Variants in HMCN2 observed in about 807,000 individuals in gnomAD.
HMCN2 encodes the protein hemicentin 2.
A neutral mutation model predicts 377.5 loss-of-function variants in HMCN2; 325 were observed. The observed-to-expected ratio is 0.86, with a 90% CI of 0.79 to 0.94. The LOEUF is 0.94. HMCN2 is among the 40% of genes least tolerant of loss of function. The probability of loss-of-function intolerance (pLI) is 0.00; values close to 1 mark genes in which losing one functional copy is unlikely to be tolerated. For missense variants in HMCN2, 4,543 were observed against 4,725.3 expected, an observed-to-expected ratio of 0.96 and a Z score of 1.13; for synonymous variants, 2,007 against 2,046.8, an observed-to-expected ratio of 0.98 and a Z score of 0.53.
At chr9:130,324,845 G>A (rs989388459) in intron 19 of HMCN2, among the ~76,000 whole-genome samples, 1 of 151,996 alleles carries the variant, frequency 6.6e-6, no homozygotes, top group Non-Finnish European at 1.5e-5. Context: ...AGGTGGTCTC[G>A]AACTCCTGAT....
intron 86 of HMCN2, 37 bp downstream of exon 86, chr9:130,419,078 G>T: frequency 6.9e-7 from 1 of 1,453,696 alleles, no homozygotes; most frequent in Non-Finnish European, 9.1e-7. Context: ...CGTGGACAGA[G>T]GCAGGATCTC....
intron 1 of HMCN2, among the ~76,000 whole-genome samples, chr9:130,279,758 A>T (rs185178667): frequency 1.2e-3 from 184 of 152,340 alleles, no homozygotes; most frequent in Non-Finnish European, 2.3e-3. Context: ...GTAGAATGAT[A>T]TCTTCCCAAA....
At position 130,360,457 on chromosome 9, in the gene HMCN2, GTC is replaced by G; in HGVS notation, c.5807_5808del (p.Ser1936PhefsTer17). Reference protein sequence around the residue: ...DVSWFKGHQPVSSWMGVTVSV... With the variant: ...DVSWFKGHQPXSSWMGVTVSV... ...CTCCTGGTTCAAGGGCCACCAACCT[GTC>G]TCTTCATGGATGGGAGTGACAGTAT... is the stretch of plus-strand genomic sequence containing the variant. On this transcript the variant is annotated frameshift_variant, in exon 38 of 98. Coordinates refer to ENST00000683500, the MANE Select transcript of HMCN2 (RefSeq NM_001291815.2). LOFTEE classifies it high-confidence loss of function. The surrounding 1 kb of genome is among the most constrained non-coding windows in gnomAD (Gnocchi z 4.7). 2.3e-6 allele frequency: 3 copies of G among 1,302,292 alleles called. No homozygotes were observed. The highest frequency in any genetic ancestry group is 3.0e-6 in the Non-Finnish European group (3 of 988,150). 80.7% of individuals were successfully genotyped at this position (1,302,292 alleles called of 1,614,324 possible). A position where few individuals can be genotyped will look rare whatever the true frequency, so the allele number is the denominator to read the frequency against.
chr9:130,285,953 C>T (rs1468121507), intron 3 of HMCN2, among the ~76,000 whole-genome samples: 2 of 152,228 alleles, frequency 1.3e-5, no homozygotes, highest in Admixed American at 6.5e-5. Context: ...CAATATGGAG[C>T]ACCTACTGTT....
At chr9:130,349,235 A>G in intron 28 of HMCN2, 104 bp downstream of exon 28, 2 of 1,163,584 alleles carry the variant, frequency 1.7e-6, no homozygotes, top group Non-Finnish European at 2.2e-6. Context: ...TGCGGAGAGC[A>G]GGGGGCACAG....
chr9:130,392,805 G>A (rs1343547476), intron 66 of HMCN2, among the ~76,000 whole-genome samples: 1 of 152,048 alleles, frequency 6.6e-6, no homozygotes, highest in Admixed American at 6.5e-5. Context: ...GACCATCCTG[G>A]CTAACACGGT....
Position 130,414,297 on chromosome 9 carries a change from C to T in HMCN2, c.12961+3645C>T, listed in dbSNP as rs1843574718. 6.6e-6 allele frequency among the ~76,000 whole-genome samples: 1 copy of T among 152,166 alleles called. No homozygotes were observed. Among genetic ancestry groups the T allele is most frequent in the South Asian group, 2.1e-4 (1 of 4,828 alleles). On this transcript the variant is annotated intron_variant, in intron 85 of 97. Transcript: ENST00000683500. The surrounding 1 kb of genome is among the most constrained non-coding windows in gnomAD (Gnocchi z 4.4). ...GCAGAGGCCCGGTGTGGGCGTGCCT[C>T]CACCCATCCACCCATGCTCAGCAGT...
At chr9:130,432,370 C>G in intron 96 of HMCN2, 59 bp from the exon 97 acceptor site, 8 of 1,529,970 alleles carry the variant, frequency 5.2e-6, no homozygotes, top group South Asian at 4.8e-5. Flanking sequence ...GCACTCCCCC[C>G]TTCTCCTTTG....
At chr9:130,310,194 G>A (rs537082781) in intron 15 of HMCN2, 133 bp downstream of exon 15, 6 of 265,752 alleles carry the variant, frequency 2.3e-5, no homozygotes, top group South Asian at 2.0e-4. Context: ...TCCTGAGCAT[G>A]TGGGGACAGG....
At position 130,384,741 on chromosome 9, in the gene HMCN2, T is replaced by C. The variant is rs1841923937; in HGVS notation, c.9049T>C (p.Cys3017Arg). ...GCTGTCGGACTCCGGGATGTACACA[T>C]GCGAAGCCCTCAATGCTGCCGGCCG... is the stretch of plus-strand genomic sequence containing the variant. ...ARLSDSGMYTCEALNAAGRDQ... is the reference protein window; with the variant it reads ...ARLSDSGMYTREALNAAGRDQ... Residue 3017 changes from cysteine to arginine, a missense_variant, in exon 59 of 98, where the codon TGC (cysteine) becomes CGC (arginine). Physicochemically the swap from Cys to Arg is radical, Grantham distance 180 (BLOSUM62 -3). This residue lies in a region of HMCN2 where 736 missense variants were observed against 773.2 expected (regional missense o/e 0.95). Coordinates refer to ENST00000683500, the MANE Select transcript of HMCN2 (RefSeq NM_001291815.2). 1 of 1,302,978 alleles carries C rather than the reference T, an allele frequency of 7.7e-7. No homozygotes were observed. The highest frequency in any genetic ancestry group is 1.0e-6 in the Non-Finnish European group (1 of 988,938). 80.7% of individuals were successfully genotyped at this position (1,302,978 alleles called of 1,614,324 possible).
At chr9:130,409,594 T>G (rs1054241206) in intron 84 of HMCN2, among the ~76,000 whole-genome samples, 1 of 152,210 alleles carries the variant, frequency 6.6e-6, no homozygotes, top group Non-Finnish European at 1.5e-5. Flanking sequence ...GCAGTGGTAA[T>G]AATGGCTCCT....
At chr9:130,300,337 G>C (rs1554933944) in intron 8 of HMCN2, among the ~76,000 whole-genome samples, 1 of 152,204 alleles carries the variant, frequency 6.6e-6, no homozygotes, top group Non-Finnish European at 1.5e-5. Context: ...ACCAGTCATG[G>C]TGCTAGGCAC....
At position 130,300,413 on chromosome 9, in the gene HMCN2, T is replaced by C. The variant is rs143911458; in HGVS notation, c.1276+1125T>C. On this transcript the variant is annotated intron_variant, in intron 8 of 97. Transcript: ENST00000683500. ...TCTTCCATAATCACAATCACTGTCA[T>C]AATCACAATCATCCGAGTCACCATT... Among the ~76,000 whole-genome samples, 364 of 152,334 alleles carry C rather than the reference T, an allele frequency of 2.4e-3. 1 individual carries two copies. The highest frequency in any genetic ancestry group is 8.1e-3 in the African/African-American group (337 of 41,572).
At chr9:130,339,996 G>A (rs1038570892) in intron 23 of HMCN2, among the ~76,000 whole-genome samples, 1 of 152,222 alleles carries the variant, frequency 6.6e-6, no homozygotes, top group Non-Finnish European at 1.5e-5. Context: ...TGGACCCTTG[G>A]ACACTCAGAC....
intron 95 of HMCN2, chr9:130,431,007 T>A: frequency 5.0e-6 from 1 of 201,316 alleles, no homozygotes; most frequent in Non-Finnish European, 8.4e-6. Context: ...GACTGCTGGG[T>A]AGAGGGGGGT....
rs924258817 is a variant in HMCN2 at position 130,428,689 on chromosome 9, G to C, written c.14197+200G>C. On this transcript the variant is annotated intron_variant, in intron 93 of 97. Coordinates refer to ENST00000683500, the MANE Select transcript of HMCN2 (RefSeq NM_001291815.2). This position sits in a 1 kb window ranked among gnomAD's most constrained non-coding sequence, Gnocchi z 5.0. ...CTGAGCCCTCCCCTGGCTCCTGGCA[G>C]CTGGCACCTTCTTTGACAGGGGTGT... is the stretch of plus-strand genomic sequence containing the variant. Among the ~76,000 whole-genome samples the C allele has an allele frequency of 1.3e-5, 2 of 152,182 alleles. No individual in the cohort carries two copies. Among genetic ancestry groups the C allele is most frequent in the South Asian group, 4.1e-4 (2 of 4,830 alleles).
chr9:130,270,126 T>A (rs1834338618), intron 1 of HMCN2, among the ~76,000 whole-genome samples: 1 of 148,372 alleles, frequency 6.7e-6, no homozygotes, highest in Non-Finnish European at 1.5e-5. Flanking sequence ...TGTTTCTTTT[T>A]TTTTTTAAGT....
rs192458334 is a variant in HMCN2 at position 130,417,358 on chromosome 9, C to A, written c.12962-1414C>A. Among the ~76,000 whole-genome samples, 89 of 151,764 alleles carry A rather than the reference C, an allele frequency of 5.9e-4. 3 individuals carry two copies. The East Asian group carries it at 0.017, about 28-fold the overall frequency. On this transcript the variant is annotated intron_variant, in intron 85 of 97. Coordinates refer to ENST00000683500, the MANE Select transcript of HMCN2 (RefSeq NM_001291815.2). The stretch of plus-strand genomic sequence containing the variant: ...TCAATATGGCAAAACCCCGTCTCTA[C>A]CAAAAATACAAAAATTAGCCAGGCG...
Position 130,393,764 on chromosome 9 carries a change from G to T in HMCN2, c.10257G>T (p.Val3419=). 7.9e-7 allele frequency: 1 copy of T among 1,271,346 alleles called. No homozygotes were observed. The highest frequency in any genetic ancestry group is 2.4e-5 in the Admixed American group (1 of 41,202). The allele number at this position is 1,271,346 out of a possible 1,614,324, so 78.8% of individuals were successfully genotyped here. Residue 3419 remains valine, a synonymous_variant, in exon 68 of 98, where the codon GTG becomes GTT. Transcript: ENST00000683500. The surrounding 1 kb of genome is among the most constrained non-coding windows in gnomAD (Gnocchi z 5.2). ...TAGTGCCCCCTGTCCTGGAGCCGGT[G>T]GAGTTCCAGAATGACGTGGTGGTGG... is the stretch of plus-strand genomic sequence containing the variant. The part of the protein sequence containing the change: ...QVQVPPVLEP[V]EFQNDVVVVR...
Sources: gnomAD v4.1 joint callset for allele counts (sites outside exome capture counted in the v4.1 genomes callset) on GRCh38, gnomAD v4.1.1 for gene constraint, gnomAD v4.1.1 regional missense constraint, Gnocchi (gnomAD v3.1) non-coding constraint, MANE v1.5 for transcripts, NCBI Gene and HGNC (gene_info 2026-07-23, HGNC 2026-07-21) for gene names.